Variants in RTL4 observed in about 807,000 individuals in gnomAD.
RTL4 encodes retrotransposon Gag-like protein 4.
A neutral mutation model predicts 5.3 loss-of-function variants in RTL4; 4 were observed. That is an observed-to-expected ratio of 0.75 (90% CI 0.37 to 1.72). The LOEUF (loss-of-function observed/expected upper bound fraction) is 1.72, where lower values mean the gene tolerates loss of function less well. RTL4 is among the 40% of genes most tolerant of loss of function. RTL4 has a pLI of 0.04. For synonymous variants in RTL4, 98 were observed against 87.3 expected (o/e 1.12, Z -0.68); for missense variants, 260 against 227.1 (o/e 1.14, Z -0.93).
At chrX:112,110,775 T>A in the RTL4 span, among the ~76,000 whole-genome samples, 3 of 112,100 alleles carry the variant, frequency 2.7e-5, no homozygotes, top group Non-Finnish European at 5.6e-5. Flanking sequence ...TAACTCTGCT[T>A]TTACAAGAGT....
At chrX:112,105,975 T>A in the RTL4 span, among the ~76,000 whole-genome samples, 10 of 112,005 alleles carry the variant, frequency 8.9e-5, no homozygotes, top group South Asian at 3.7e-3. Flanking sequence ...ACAGAAAAAG[T>A]TTTCAACTTT....
chrX:112,404,767 A>G, the RTL4 span, among the ~76,000 whole-genome samples: 1 of 112,653 alleles, frequency 8.9e-6, no homozygotes, highest in Non-Finnish European at 1.9e-5. Context: ...TTCTGTTCCC[A>G]GTTGTCATAG....
chrX:112,090,363 T>C, the RTL4 span, among the ~76,000 whole-genome samples: 60 of 111,316 alleles, frequency 5.4e-4, no homozygotes, highest in African/African-American at 1.8e-3. Flanking sequence ...CTACTGACTA[T>C]GATGTTAACT....
the RTL4 span, among the ~76,000 whole-genome samples, chrX:112,088,098 A>G: frequency 9.6e-6 from 1 of 103,913 alleles, no homozygotes; most frequent in African/African-American, 3.6e-5. Context: ...CTATCCTCCC[A>G]CCTCTGCCTC....
At chrX:112,312,934 C>T in the RTL4 span, among the ~76,000 whole-genome samples, 1 of 110,736 alleles carries the variant, frequency 9.0e-6, no homozygotes, top group Non-Finnish European at 1.9e-5. Flanking sequence ...CCAGATTCTA[C>T]ATCAAAAAGG....
At chrX:112,207,111 C>T in the RTL4 span, among the ~76,000 whole-genome samples, 2 of 111,795 alleles carry the variant, frequency 1.8e-5, no homozygotes, top group African/African-American at 3.3e-5. Context: ...CTCCTTAATG[C>T]TTTTCCCAAT....
At chrX:112,222,358 C>T in the RTL4 span, among the ~76,000 whole-genome samples, 1 of 111,356 alleles carries the variant, frequency 9.0e-6, no homozygotes, top group Admixed American at 9.6e-5. Context: ...CTTGTGGAAT[C>T]AGGGATAGGT....
chrX:112,211,051 C>T, the RTL4 span, among the ~76,000 whole-genome samples: 1 of 112,165 alleles, frequency 8.9e-6, no homozygotes, highest in Non-Finnish European at 1.9e-5. Context: ...GCTGAGACTT[C>T]GCCCCCTTCA....
the RTL4 span, among the ~76,000 whole-genome samples, chrX:112,128,226 A>C: frequency 8.9e-6 from 1 of 111,819 alleles, no homozygotes; most frequent in Non-Finnish European, 1.9e-5. Context: ...ATATCTGTAG[A>C]CTAGTGTAAT....
At chrX:112,359,409 T>G in the RTL4 span, among the ~76,000 whole-genome samples, 1 of 111,821 alleles carries the variant, frequency 8.9e-6, no homozygotes, top group Admixed American at 9.5e-5. Context: ...TTCCACCCCC[T>G]GACTACCCTT....
the RTL4 span, among the ~76,000 whole-genome samples, chrX:112,106,647 A>G: frequency 8.9e-6 from 1 of 111,903 alleles, no homozygotes; most frequent in Non-Finnish European, 1.9e-5. Flanking sequence ...CCAGCAGTCT[A>G]TGAGCACTCT....
the RTL4 span, among the ~76,000 whole-genome samples, chrX:112,218,426 A>G: frequency 8.9e-6 from 1 of 112,078 alleles, no homozygotes; most frequent in African/African-American, 3.2e-5. Flanking sequence ...CCCTTTCTCC[A>G]TAGGCTCTCT....
chrX:112,417,860 T>A, the RTL4 span, among the ~76,000 whole-genome samples: 1 of 111,741 alleles, frequency 8.9e-6, no homozygotes, highest in Non-Finnish European at 1.9e-5. Context: ...GACGAAAATG[T>A]TCTAAAATTG....
chrX:112,132,448 C>A, the RTL4 span, among the ~76,000 whole-genome samples: 2 of 111,626 alleles, frequency 1.8e-5, no homozygotes, highest in Admixed American at 9.5e-5. Flanking sequence ...ACCAGCATGT[C>A]CTAATTTTCT....
chrX:112,235,155 T>C, the RTL4 span, among the ~76,000 whole-genome samples: 1 of 112,107 alleles, frequency 8.9e-6, no homozygotes, highest in African/African-American at 3.2e-5. Context: ...CTCAAGTGAA[T>C]AGGCATTTTC....
the RTL4 span, among the ~76,000 whole-genome samples, chrX:112,315,180 C>T: frequency 9.0e-6 from 1 of 111,592 alleles, no homozygotes; most frequent in Non-Finnish European, 1.9e-5. Context: ...GAGCAGCTCT[C>T]CCTCCAGGAG....
At chrX:112,122,130 C>T in the RTL4 span, among the ~76,000 whole-genome samples, 25 of 111,533 alleles carry the variant, frequency 2.2e-4, no homozygotes, top group African/African-American at 7.8e-4. Flanking sequence ...TATCTGCACT[C>T]CCATGTGTTT....
chrX:112,087,140 C>A, the RTL4 span, among the ~76,000 whole-genome samples: 1 of 111,082 alleles, frequency 9.0e-6, no homozygotes, highest in Admixed American at 9.6e-5. Flanking sequence ...AGGATAGTGA[C>A]AGAGAAGGCT....
At chrX:112,188,725 A>AACAC in the RTL4 span, among the ~76,000 whole-genome samples, 2 of 101,417 alleles carry the variant, frequency 2.0e-5, no homozygotes, top group African/African-American at 7.4e-5. Context: ...CAAACAAACA[A>AACAC]ACACTCACCC....
Sources: allele counts gnomAD v4.1 joint callset (sites outside exome capture counted in the v4.1 genomes callset), GRCh38; gene constraint gnomAD v4.1.1; transcripts MANE v1.5; gene names NCBI Gene and HGNC (gene_info 2026-07-23, HGNC 2026-07-21).